The following SLC9A2 variants were observed in gnomAD, a reference collection of about 807,000 sequenced individuals.
The protein encoded by SLC9A2 is sodium/hydrogen exchanger 2.
Under a neutral mutation model 71.7 loss-of-function variants are expected in SLC9A2, and 42 were observed. The observed-to-expected ratio is 0.59, with a 90% CI of 0.46 to 0.76. The LOEUF is 0.76. Ranked by LOEUF, SLC9A2 falls within the 30% of genes least tolerant of loss-of-function variation. The probability of loss-of-function intolerance (pLI) is 0.00; values close to 1 mark genes in which losing one functional copy is unlikely to be tolerated. For missense variants in SLC9A2, 829 were observed against 1,017.4 expected (o/e 0.81, Z 2.52); for synonymous variants, 396 against 392.5 (o/e 1.01, Z -0.10).
chr2:102,683,418 G>A lies in SLC9A2; in HGVS notation c.1162G>A (p.Glu388Lys), dbSNP rs747247312. 17 of 1,614,206 alleles carry A rather than the reference G, an allele frequency of 1.1e-5. No homozygotes were observed. Among genetic ancestry groups the A allele is most frequent in the African/African-American group, 1.3e-5 (1 of 75,056 alleles). ...TGTGTCTACCGTGGGCAAGAACCAC[G>A]AGTGGAACTGGGCCTTCGTCTGCTT... The part of the protein sequence containing the change: ...MGVSTVGKNH[E>K]WNWAFVCFTL... The change falls in exon 4 of 12, where the codon GAG (glutamate) becomes AAG (lysine). Residue 388 changes from glutamate to lysine, a missense_variant. Physicochemically the swap from Glu to Lys is moderately conservative, Grantham distance 56. Coordinates refer to ENST00000233969, the MANE Select transcript of SLC9A2 (RefSeq NM_003048.6).
chr2:102,676,919 C>T (rs573322098), intron 3 of SLC9A2, among the ~76,000 whole-genome samples: 1 of 152,204 alleles, frequency 6.6e-6, no homozygotes, highest in Non-Finnish European at 1.5e-5. Context: ...TTGGGTGATA[C>T]TTTCCTGCAA....
chr2:102,686,446 C>T (rs1677547281), intron 5 of SLC9A2: 1 of 152,244 alleles, frequency 6.6e-6, no homozygotes, highest in South Asian at 2.1e-4. Flanking sequence ...TTCATTCATT[C>T]ATGCCTTCCA....
rs75762646 is a variant in SLC9A2 at position 102,637,683 on chromosome 2, C to T, written c.289+17546C>T. ...TACTGGACCTGCCAGAGATCTCACC[C>T]CATTGATAAAAACCAACTGCAGTGC... On this transcript the variant is annotated intron_variant, in intron 1 of 11. Transcript: ENST00000233969. Among the ~76,000 whole-genome samples the T allele has an allele frequency of 2.3e-3, 351 of 152,268 alleles. 1 individual carries two copies. The highest frequency in any genetic ancestry group is 8.2e-3 in the African/African-American group (339 of 41,550).
At chr2:102,672,841 T>G (rs1365404572) in intron 3 of SLC9A2, among the ~76,000 whole-genome samples, 1 of 152,144 alleles carries the variant, frequency 6.6e-6, no homozygotes, top group African/African-American at 2.4e-5. Flanking sequence ...ATAGTCAGTA[T>G]TCAAAACATT....
intron 3 of SLC9A2, among the ~76,000 whole-genome samples, chr2:102,679,323 A>C (rs191758959): frequency 4.1e-4 from 62 of 152,224 alleles, no homozygotes; most frequent in African/African-American, 1.4e-3. Context: ...AAATGATCCC[A>C]TGGACATTCA....
At chr2:102,624,550 G>T (rs1020118731) in intron 1 of SLC9A2, among the ~76,000 whole-genome samples, 2 of 152,186 alleles carry the variant, frequency 1.3e-5, no homozygotes, top group African/African-American at 4.8e-5. Context: ...TCTTCTCAAG[G>T]TTTAAGGACA....
chr2:102,654,130 C>T (rs888284794), intron 1 of SLC9A2, among the ~76,000 whole-genome samples: 6 of 149,740 alleles, frequency 4.0e-5, no homozygotes, highest in South Asian at 2.1e-4. Context: ...ATTGCTACCG[C>T]GTTAAGGAAA....
intron 10 of SLC9A2, among the ~76,000 whole-genome samples, chr2:102,705,425 T>C (rs1053094981): frequency 5.9e-5 from 9 of 152,184 alleles, no homozygotes; most frequent in African/African-American, 2.2e-4. Flanking sequence ...GCTGTAGTAA[T>C]ACTTTTTGTT....
chr2:102,650,085 C>T (rs1015105799), intron 1 of SLC9A2, among the ~76,000 whole-genome samples: 14 of 152,038 alleles, frequency 9.2e-5, no homozygotes, highest in East Asian at 5.8e-4. Flanking sequence ...TGCCCATCAA[C>T]GAGACTGGAT....
chr2:102,640,751 C>T (rs1339035427), intron 1 of SLC9A2, among the ~76,000 whole-genome samples: 3 of 152,184 alleles, frequency 2.0e-5, no homozygotes, highest in South Asian at 2.1e-4. Flanking sequence ...TGCCCTTCTC[C>T]ACTCCCCAGA....
At chr2:102,685,779 G>T (rs948244175) in intron 5 of SLC9A2, among the ~76,000 whole-genome samples, 4 of 152,176 alleles carry the variant, frequency 2.6e-5, no homozygotes, top group African/African-American at 7.2e-5. Context: ...TGCATTAGGG[G>T]TGTCCATTAG....
chr2:102,642,451 C>T (rs1232101351), intron 1 of SLC9A2, among the ~76,000 whole-genome samples: 1 of 151,886 alleles, frequency 6.6e-6, no homozygotes, highest in Non-Finnish European at 1.5e-5. Context: ...TTTTCTTTAG[C>T]CTATCGATAC....
chr2:102,634,864 C>T (rs995368912), intron 1 of SLC9A2, among the ~76,000 whole-genome samples: 3 of 152,066 alleles, frequency 2.0e-5, no homozygotes, highest in Admixed American at 6.6e-5. Flanking sequence ...CTGCAGGGTT[C>T]ACAGTCAGCT....
At chr2:102,705,229 T>G (rs964412268) in intron 10 of SLC9A2, among the ~76,000 whole-genome samples, 3 of 151,938 alleles carry the variant, frequency 2.0e-5, no homozygotes, top group Admixed American at 2.0e-4. Context: ...ATAATAATAT[T>G]GTGATATATT....
intron 1 of SLC9A2, among the ~76,000 whole-genome samples, chr2:102,627,970 C>T (rs1188020374): frequency 6.6e-6 from 1 of 152,088 alleles, no homozygotes; most frequent in Non-Finnish European, 1.5e-5. Flanking sequence ...TGACATCAGT[C>T]TTATTAAAAT....
intron 3 of SLC9A2, among the ~76,000 whole-genome samples, chr2:102,679,579 C>T (rs906915545): frequency 6.6e-6 from 1 of 151,992 alleles, no homozygotes; most frequent in Non-Finnish European, 1.5e-5. Flanking sequence ...AGGGTTTCAC[C>T]ATGTTAGCCA....
chr2:102,674,967 G>A (rs1367841317), intron 3 of SLC9A2, among the ~76,000 whole-genome samples: 1 of 152,158 alleles, frequency 6.6e-6, no homozygotes, highest in African/African-American at 2.4e-5. Flanking sequence ...ACCCTGCCAG[G>A]TCCTGTTAGA....
intron 3 of SLC9A2, among the ~76,000 whole-genome samples, chr2:102,676,736 T>A (rs1424515522): frequency 6.6e-6 from 1 of 152,230 alleles, no homozygotes; most frequent in Non-Finnish European, 1.5e-5. Context: ...TTCACTTGAG[T>A]GAGTACTTAT....
At chr2:102,628,119 T>C (rs958293947) in intron 1 of SLC9A2, among the ~76,000 whole-genome samples, 1 of 152,154 alleles carries the variant, frequency 6.6e-6, no homozygotes, top group Non-Finnish European at 1.5e-5. Context: ...CTTAAGACTC[T>C]GTCACAAACT....
Sources: allele counts gnomAD v4.1 joint callset (sites outside exome capture counted in the v4.1 genomes callset), GRCh38; gene constraint gnomAD v4.1.1; transcripts MANE v1.5; gene names NCBI Gene and HGNC (gene_info 2026-07-23, HGNC 2026-07-21).